TSC1: variants seen among roughly 807,000 people sequenced by gnomAD.
TSC1 encodes hamartin.
A neutral mutation model predicts 124.3 loss-of-function variants in TSC1; 20 were observed. The observed-to-expected ratio is 0.16, with a 90% CI of 0.11 to 0.23. The LOEUF is 0.23. Among genes scored for constraint, TSC1 ranks in the 10% least tolerant of loss-of-function variants. The pLI, the probability that TSC1 is intolerant of heterozygous loss-of-function variation, is 1.00. For synonymous variants in TSC1, 493 were observed against 539.1 expected (o/e 0.91, Z 1.19); for missense variants, 1,124 against 1,448.5 (o/e 0.78, Z 3.64).
intron 1 of TSC1, among the ~76,000 whole-genome samples, chr9:132,935,656 G>A (rs1847421270): frequency 6.6e-6 from 1 of 152,136 alleles, no homozygotes; most frequent in Non-Finnish European, 1.5e-5. Flanking sequence ...GGGCCTGCAG[G>A]GCCTCACCGC....
At chr9:132,936,247 T>C (rs892500834) in intron 1 of TSC1, among the ~76,000 whole-genome samples, 10 of 152,148 alleles carry the variant, frequency 6.6e-5, no homozygotes, top group Admixed American at 6.6e-5. Context: ...CCCGAGTAGC[T>C]AGGAATACAG....
chr9:132,925,031 C>T (rs1051389081), intron 5 of TSC1: 5 of 156,702 alleles, frequency 3.2e-5, no homozygotes, highest in African/African-American at 1.2e-4. Flanking sequence ...AACAAATAAC[C>T]CTGAGTATGG....
chr9:132,902,934 C>T lies in TSC1; in HGVS notation c.2209-147G>A. The T allele has an allele frequency of 9.7e-7, 1 of 1,033,360 alleles. No individual in the cohort carries two copies. Among genetic ancestry groups the T allele is most frequent in the South Asian group, 1.3e-5 (1 of 74,528 alleles). The allele number at this position is 1,033,360 out of a possible 1,614,324, so 64.0% of individuals were successfully genotyped here. ...CAAAACTCTTAGAGCTCACTACTGT[C>T]TTACTTGGCCTTAGGTCAAGGTTTT... On this transcript the variant is annotated intron_variant, in intron 17 of 22. Coordinates refer to ENST00000298552, the MANE Select transcript of TSC1 (RefSeq NM_000368.5). This position sits in a 1 kb window ranked among gnomAD's most constrained non-coding sequence, Gnocchi z 5.2.
At chr9:132,913,891 GTTTTTTTTTTTTTT>G (rs775823272) in intron 8 of TSC1, among the ~76,000 whole-genome samples, 3 of 58,372 alleles carry the variant, frequency 5.1e-5, no homozygotes, top group Admixed American at 2.9e-4. Flanking sequence ...GTTTTGTTTT[GTTTTTTTTTTTTTT>G]TTTTTTTTTT....
chr9:132,910,279 C>T (rs1245974806), intron 12 of TSC1: 17 of 585,368 alleles, frequency 2.9e-5, no homozygotes, highest in Non-Finnish European at 4.1e-5. Context: ...CCACCCTGGG[C>T]GACAGAGCAA....
At chr9:132,933,531 AG>A (rs766069962) in intron 2 of TSC1, among the ~76,000 whole-genome samples, 5 of 152,212 alleles carry the variant, frequency 3.3e-5, no homozygotes, top group Admixed American at 6.5e-5. Context: ...AGGCTTGCCA[AG>A]CTATGAATCC....
At chr9:132,915,417 A>C (rs1292829633) in intron 8 of TSC1, among the ~76,000 whole-genome samples, 1 of 152,256 alleles carries the variant, frequency 6.6e-6, no homozygotes, top group African/African-American at 2.4e-5. Flanking sequence ...ACCCGCAAAT[A>C]TATCTGACTG....
At chr9:132,915,597 C>A (rs146397349) in intron 8 of TSC1, among the ~76,000 whole-genome samples, 9 of 152,304 alleles carry the variant, frequency 5.9e-5, no homozygotes, top group Non-Finnish European at 7.4e-5. Flanking sequence ...CATAACTTTG[C>A]TCTATGTGTT....
Position 132,893,561 on chromosome 9 carries a change from A to T in TSC1, c.*2674T>A, listed in dbSNP as rs534994012. The T allele has an allele frequency of 4.3e-6, 1 of 233,212 alleles. No homozygotes were observed. 14.4% of individuals were successfully genotyped at this position (233,212 alleles called of 1,614,324 possible). ...AACTGTAGTGCACCTTTTTAAAGGA[A>T]TTCCATGCTGCACAGCAGCAGACTT... On this transcript the variant is annotated 3_prime_UTR_variant, in exon 23 of 23. Transcript: ENST00000298552.
Position 132,901,466 on chromosome 9 carries a change from A to G in TSC1, c.2502+123T>C, listed in dbSNP as rs970366919. On this transcript the variant is annotated intron_variant, in intron 19 of 22. Transcript: ENST00000298552. ...TGTCAGGGACTATGGGGGCAGCAGA[A>G]CCACTTCCTGTTGGGAACCCATGAC... is the stretch of plus-strand genomic sequence containing the variant. The G allele has an allele frequency of 6.2e-5, 58 of 928,320 alleles. No homozygotes were observed. In the Admixed American group the frequency reaches 1.0e-3, roughly 16 times the overall value. The allele number at this position is 928,320 out of a possible 1,614,324, so 57.5% of individuals were successfully genotyped here.
intron 8 of TSC1, among the ~76,000 whole-genome samples, chr9:132,919,806 C>T (rs1459115203): frequency 6.6e-6 from 1 of 152,178 alleles, no homozygotes; most frequent in Admixed American, 6.5e-5. Flanking sequence ...ACAGGCATGT[C>T]TCAAAGTTCC....
chr9:132,911,823 TA>T (rs1298171152), intron 9 of TSC1, among the ~76,000 whole-genome samples: 1 of 151,976 alleles, frequency 6.6e-6, no homozygotes, highest in African/African-American at 2.4e-5. Flanking sequence ...CAAGATAACT[TA>T]AAAAAGCACA....
intron 20 of TSC1, chr9:132,900,347 A>G: frequency 3.3e-6 from 1 of 302,284 alleles, no homozygotes; most frequent in Non-Finnish European, 6.5e-6. Flanking sequence ...AAAAAATGGT[A>G]TGTACAGCAC....
At chr9:132,944,740 C>A (rs1314291348), upstream of TSC1, 1 of 397,442 alleles carries the variant, frequency 2.5e-6, no homozygotes, top group African/African-American at 2.1e-5. Context: ...GCAGCCCCGC[C>A]GGAAGGAAGA....
chr9:132,907,274 A>ATTC (rs1845720059), intron 13 of TSC1, 27 bp downstream of exon 13: 10 of 1,591,808 alleles, frequency 6.3e-6, no homozygotes, highest in Non-Finnish European at 8.6e-6. Flanking sequence ...GAGGCAAGCA[A>ATTC]GGCCTGTAGT....
At position 132,905,950 on chromosome 9, in the gene TSC1, A is replaced by G. The variant is rs1588310271; in HGVS notation, c.1628T>C (p.Leu543Pro). The stretch of plus-strand genomic sequence containing the variant: ...GGCTTGCTTTGGTGTGTCAGGCCCA[A>G]GCTTGTCCAGGGAGGAGTGTAAAGG... ...PEPLHSSLDKLGPDTPKQAFT... is the reference protein window; with the variant it reads ...PEPLHSSLDKPGPDTPKQAFT... Residue 543 changes from leucine (L) to proline (P), a missense_variant, in exon 15 of 23, where the codon CTT becomes CCT. Leu to Pro is a moderately conservative substitution (Grantham distance 98). Around this residue, in one of 5 missense-constraint regions of TSC1, gnomAD observed 321 missense variants for 397.4 expected, o/e 0.81. Transcript: ENST00000298552. 7 of 1,614,050 alleles carry G rather than the reference A, an allele frequency of 4.3e-6. No individual in the cohort carries two copies. In the East Asian group the frequency reaches 1.1e-4, roughly 26 times the overall value.
chr9:132,906,703 C>T lies in TSC1; in HGVS notation c.1438+28G>A, dbSNP rs1436470808. ...TAGCAGAGCGAGGGTCAGGTTTTAT[C>T]AACTCATAGCAATCCCACATACATT... On this transcript the variant is annotated intron_variant, in intron 14 of 22. Transcript: ENST00000298552. This position sits in a 1 kb window ranked among gnomAD's most constrained non-coding sequence, Gnocchi z 4.1. 1.3e-6 allele frequency: 2 copies of T among 1,581,520 alleles called. No homozygotes were observed. The highest frequency in any genetic ancestry group is 1.7e-6 in the Non-Finnish European group (2 of 1,153,622).
At chr9:132,927,970 G>T (rs1203689804) in intron 3 of TSC1, among the ~76,000 whole-genome samples, 3 of 152,148 alleles carry the variant, frequency 2.0e-5, no homozygotes, top group Non-Finnish European at 4.4e-5. Context: ...CTTAAGTTTA[G>T]AGTGTGTCTC....
chr9:132,907,523 C>T (rs1845736365), intron 12 of TSC1, among the ~76,000 whole-genome samples, 153 bp from the exon 13 acceptor site: 1 of 151,994 alleles, frequency 6.6e-6, no homozygotes, highest in South Asian at 2.1e-4. Context: ...GAGTTTCGCT[C>T]TTGTTGCCCA....
Sources: allele counts gnomAD v4.1 joint callset (sites outside exome capture counted in the v4.1 genomes callset), GRCh38; gene constraint gnomAD v4.1.1; regional missense constraint gnomAD v4.1.1; non-coding constraint Gnocchi (gnomAD v3.1); transcripts MANE v1.5; gene names NCBI Gene and HGNC (gene_info 2026-07-23, HGNC 2026-07-21).